NXN: variants seen among roughly 807,000 people sequenced by gnomAD.
The protein encoded by NXN is nucleoredoxin 1.
Under a neutral mutation model 48.6 loss-of-function variants are expected in NXN, and 16 were observed. The observed-to-expected ratio is 0.33, with a 90% CI of 0.22 to 0.50. NXN has a LOEUF of 0.50. NXN is among the 20% of genes least tolerant of loss of function. The pLI is 0.98. For synonymous variants in NXN, 281 were observed against 269.6 expected, an observed-to-expected ratio of 1.04 and a Z score of -0.41; for missense variants, 492 against 605.5, an observed-to-expected ratio of 0.81 and a Z score of 1.97.
Position 823,805 on chromosome 17 carries a change from T to C in NXN, c.479-40A>G, listed in dbSNP as rs1171721520. ...AGATGGTAAAAGAGGGCTTAGACCC[T>C]TCTTGATGACCTGGGACCCAGGAGA... On this transcript the variant is annotated intron_variant, in intron 2 of 7. Transcript: ENST00000336868. The C allele has an allele frequency of 1.9e-6, 3 of 1,611,542 alleles. No homozygotes were observed. In the African/African-American group the frequency reaches 4.0e-5, roughly 22 times the overall value.
chr17:915,958 T>G (rs1335187928), intron 1 of NXN, among the ~76,000 whole-genome samples: 1 of 151,856 alleles, frequency 6.6e-6, no homozygotes, highest in Non-Finnish European at 1.5e-5. Flanking sequence ...GGTTCTGTGT[T>G]TTTGTTTGTA....
chr17:892,073 C>G (rs1184106552), intron 1 of NXN, among the ~76,000 whole-genome samples: 3 of 150,360 alleles, frequency 2.0e-5, no homozygotes, highest in African/African-American at 4.9e-5. Context: ...CCACCATGCA[C>G]AACCCAACAG....
At chr17:839,805 A>AAAAAAAAAAAAAAAAAAAAAAAAAAAG (rs1567826433) in intron 1 of NXN, among the ~76,000 whole-genome samples, 3 of 143,022 alleles carry the variant, frequency 2.1e-5, no homozygotes, top group Admixed American at 7.0e-5. Context: ...GTTAAAAAAA[A>AAAAAAAAAAAAAAAAAAAAAAAAAAAG]AAAAAAAAAG....
In NXN at chr17:956,260, A is replaced by G. The variant is rs1356210041; in HGVS notation, c.360+23059T>C. Among the ~76,000 whole-genome samples, 1 of 152,142 alleles carries G rather than the reference A, an allele frequency of 6.6e-6. No individual in the cohort carries two copies. Among genetic ancestry groups the G allele is most frequent in the African/African-American group, 2.4e-5 (1 of 41,436 alleles). On this transcript the variant is annotated intron_variant, in intron 1 of 7. Transcript: ENST00000336868. The surrounding 1 kb of genome is among the most constrained non-coding windows in gnomAD (Gnocchi z 4.1). ...TAAACACGGTGCCAAGTATTTACTA[A>G]TAAGAGGTGTCGAACGTGTTAAGTA...
chr17:910,272 C>A (rs2068623041), intron 1 of NXN, among the ~76,000 whole-genome samples: 1 of 152,002 alleles, frequency 6.6e-6, no homozygotes, highest in African/African-American at 2.4e-5. Context: ...ATGAGCCAGG[C>A]GTGGTGGCGG....
At chr17:857,716 G>A (rs1470711170) in intron 1 of NXN, among the ~76,000 whole-genome samples, 2 of 151,974 alleles carry the variant, frequency 1.3e-5, no homozygotes, top group Non-Finnish European at 2.9e-5. Context: ...ATATCACCAG[G>A]GCCATCAAAA....
chr17:926,542 T>TG (rs1047215782), intron 1 of NXN, among the ~76,000 whole-genome samples: 8 of 66,748 alleles, frequency 1.2e-4, no homozygotes, highest in Admixed American at 4.2e-4. Context: ...TTGTTTTTTT[T>TG]TTGTTTTTTT....
At chr17:827,944 G>A (rs1010771435) in intron 1 of NXN, among the ~76,000 whole-genome samples, 4 of 152,176 alleles carry the variant, frequency 2.6e-5, no homozygotes, top group African/African-American at 9.7e-5. Flanking sequence ...CCCTGTCTGT[G>A]GAGACCTGTA....
intron 1 of NXN, among the ~76,000 whole-genome samples, chr17:828,917 GA>G (rs1432136009): frequency 5.7e-5 from 1 of 17,474 alleles, no homozygotes; most frequent in Admixed American, 6.2e-4. Flanking sequence ...AATTCTTGGA[GA>G]AAAAAAATCA....
intron 1 of NXN, among the ~76,000 whole-genome samples, chr17:959,793 T>TAA (rs57208471): frequency 1.5e-5 from 2 of 136,208 alleles, no homozygotes. Flanking sequence ...AGACTCTGTA[T>TAA]AAAAAAAAAA....
intron 1 of NXN, among the ~76,000 whole-genome samples, chr17:841,626 G>A (rs867006740): frequency 3.3e-4 from 33 of 100,458 alleles, no homozygotes; most frequent in African/African-American, 7.2e-4. Context: ...TCTCACACGG[G>A]CAAGCAGGTC....
intron 1 of NXN, among the ~76,000 whole-genome samples, chr17:952,238 T>TG (rs754850846): frequency 0.016 from 669 of 41,036 alleles, 23 homozygotes; most frequent in East Asian, 0.041. Context: ...GGTCACACTG[T>TG]GGGGGGGCTG....
At chr17:921,334 C>T (rs2068748470) in intron 1 of NXN, among the ~76,000 whole-genome samples, 1 of 152,180 alleles carries the variant, frequency 6.6e-6, no homozygotes, top group Non-Finnish European at 1.5e-5. Context: ...GGCTCCCTCT[C>T]CGCACTCACA....
At chr17:901,689 T>C (rs2144899325) in intron 1 of NXN, among the ~76,000 whole-genome samples, 1 of 152,184 alleles carries the variant, frequency 6.6e-6, no homozygotes, top group Middle Eastern at 3.4e-3. Flanking sequence ...CAGCTTGCTG[T>C]TTGTTTTTTT....
At chr17:852,939 C>T (rs2067940219) in intron 1 of NXN, among the ~76,000 whole-genome samples, 1 of 152,128 alleles carries the variant, frequency 6.6e-6, no homozygotes, top group Admixed American at 6.5e-5. Context: ...ACCTCTGACC[C>T]ACTGGATCTG....
chr17:865,520 G>A (rs374713868), intron 1 of NXN, among the ~76,000 whole-genome samples: 17 of 151,890 alleles, frequency 1.1e-4, no homozygotes, highest in Non-Finnish European at 4.4e-5. Flanking sequence ...GGTATTACAG[G>A]CATGAGCCAC....
chr17:959,750 C>T (rs2360112), intron 1 of NXN, among the ~76,000 whole-genome samples: 125,428 of 150,116 alleles, frequency 0.84, 55,520 homozygotes, highest in Non-Finnish European at 0.98. Flanking sequence ...TCTTAGATCG[C>T]GCCACCACAC....
In NXN at chr17:823,115, G is replaced by GAAA. The variant is rs1451772455; in HGVS notation, c.612+516_612+517insTTT. 1.2e-3 allele frequency among the ~76,000 whole-genome samples: 172 copies of GAAA among 145,716 alleles called. 1 individual carries two copies. The highest frequency in any genetic ancestry group is 2.6e-3 in the South Asian group (12 of 4,560). On this transcript the variant is annotated intron_variant, in intron 3 of 7. Coordinates refer to ENST00000336868, the MANE Select transcript of NXN (RefSeq NM_022463.5). ...ACTCTGTCTCAAAAAAAAAAAAAAGGGGGCCAGGCACGATGGTTCATGCTT... is the reference window on the plus strand; with the variant it reads ...ACTCTGTCTCAAAAAAAAAAAAAAGGAAAGGGCCAGGCACGATGGTTCATGCTT...
chr17:934,810 G>A (rs151006100), intron 1 of NXN, among the ~76,000 whole-genome samples: 2,848 of 151,346 alleles, frequency 0.019, 88 homozygotes, highest in African/African-American at 0.065. Context: ...GGAGGCGGAG[G>A]GTGCAGTGAG....
Sources: gnomAD v4.1 joint callset for allele counts (sites outside exome capture counted in the v4.1 genomes callset) on GRCh38, gnomAD v4.1.1 for gene constraint, Gnocchi (gnomAD v3.1) non-coding constraint, MANE v1.5 for transcripts, NCBI Gene and HGNC (gene_info 2026-07-23, HGNC 2026-07-21) for gene names.